PDE1A: variants seen among roughly 807,000 people sequenced by gnomAD.
PDE1A encodes the protein phosphodiesterase 1A.
PDE1A carries 35 observed loss-of-function variants against 61.7 expected under a neutral mutation model. That is an observed-to-expected ratio of 0.57 (90% CI 0.43 to 0.75). The LOEUF is 0.75. PDE1A is among the 30% of genes least tolerant of loss of function. The probability of loss-of-function intolerance (pLI) is 0.00; values close to 1 mark genes in which losing one functional copy is unlikely to be tolerated. For missense variants in PDE1A, 597 were observed against 630.6 expected (o/e 0.95, Z 0.57); for synonymous variants, 232 against 213.2 (o/e 1.09, Z -0.77).
upstream of PDE1A, among the ~76,000 whole-genome samples, chr2:182,524,535 G>A (rs1394170054): frequency 6.6e-6 from 1 of 151,610 alleles, no homozygotes; most frequent in African/African-American, 2.4e-5. Flanking sequence ...AAGACCTCAA[G>A]GTATACTAAT....
At chr2:182,594,744 T>C in the PDE1A span, among the ~76,000 whole-genome samples, 2 of 152,232 alleles carry the variant, frequency 1.3e-5, no homozygotes, top group African/African-American at 4.8e-5. Flanking sequence ...TTTTTAAAAG[T>C]TGTTTTTAAG....
At chr2:182,294,408 C>T (rs1034860414) in intron 1 of PDE1A, among the ~76,000 whole-genome samples, 4 of 152,062 alleles carry the variant, frequency 2.6e-5, no homozygotes, top group Admixed American at 1.3e-4. Flanking sequence ...CATTGTTATG[C>T]TTTTAATAAT....
At chr2:182,168,351 T>C (rs989842973) in intron 13 of PDE1A, 18 of 1,436,064 alleles carry the variant, frequency 1.3e-5, no homozygotes, top group Middle Eastern at 1.9e-4. Context: ...AAAGAAGTTA[T>C]GAAAAAAAGT....
At chr2:182,243,312 A>T (rs2568673) in intron 2 of PDE1A, among the ~76,000 whole-genome samples, 108,332 of 152,040 alleles carry the variant, frequency 0.71, 39,059 homozygotes, top group African/African-American at 0.83. Context: ...GTTAATTATG[A>T]GAGGAAACAC....
chr2:182,204,809 G>A (rs1196334610), intron 8 of PDE1A, among the ~76,000 whole-genome samples: 1 of 152,134 alleles, frequency 6.6e-6, no homozygotes, highest in Non-Finnish European at 1.5e-5. Context: ...TTGTTCAAGG[G>A]TCAACTGTAA....
intron 1 of PDE1A, among the ~76,000 whole-genome samples, chr2:182,292,776 AG>A (rs1220277368): frequency 2.0e-5 from 3 of 152,058 alleles, no homozygotes. Context: ...TTAAATTAAA[AG>A]TTTGATGTTT....
At chr2:182,357,115 G>T (rs938563421) in intron 1 of PDE1A, among the ~76,000 whole-genome samples, 1 of 151,634 alleles carries the variant, frequency 6.6e-6, no homozygotes, top group African/African-American at 2.4e-5. Flanking sequence ...CACCAACATG[G>T]CACATGTATA....
intron 1 of PDE1A, among the ~76,000 whole-genome samples, chr2:182,401,865 T>A (rs1214636955): frequency 6.6e-6 from 1 of 152,086 alleles, no homozygotes; most frequent in Non-Finnish European, 1.5e-5. Flanking sequence ...TCACAAGCAT[T>A]CCTATACACC....
intron 1 of PDE1A, among the ~76,000 whole-genome samples, chr2:182,394,114 T>G (rs1259664094): frequency 2.0e-5 from 3 of 152,188 alleles, no homozygotes; most frequent in African/African-American, 7.2e-5. Context: ...AACCCCAATC[T>G]ATTGGTGCCA....
chr2:182,204,328 T>C (rs1403059385), intron 8 of PDE1A, among the ~76,000 whole-genome samples: 1 of 152,218 alleles, frequency 6.6e-6, no homozygotes, highest in Non-Finnish European at 1.5e-5. Flanking sequence ...ATTTCACAGT[T>C]AGATCCTGGC....
At chr2:182,158,304 AAAGACTCATGTAACAGGT>A (rs1274541501) in intron 13 of PDE1A, among the ~76,000 whole-genome samples, 1 of 152,208 alleles carries the variant, frequency 6.6e-6, no homozygotes, top group Non-Finnish European at 1.5e-5. Context: ...TCTAATCTCT[AAAGACTCATGTAACAGGT>A]TAACTGTCCT....
chr2:182,248,258 A>C (rs1691132327), intron 2 of PDE1A, among the ~76,000 whole-genome samples: 1 of 150,472 alleles, frequency 6.6e-6, no homozygotes, highest in Non-Finnish European at 1.5e-5. Context: ...CTGTCAAAAA[A>C]AAAAAAAAAA....
intron 1 of PDE1A, among the ~76,000 whole-genome samples, chr2:182,419,311 G>T (rs1240561381): frequency 2.7e-5 from 4 of 149,446 alleles, no homozygotes; most frequent in Non-Finnish European, 4.5e-5. Flanking sequence ...AGAGTATATT[G>T]ATTTTCTCAT....
At chr2:182,389,881 C>T (rs2125380492) in intron 1 of PDE1A, among the ~76,000 whole-genome samples, 1 of 152,282 alleles carries the variant, frequency 6.6e-6, no homozygotes, top group African/African-American at 2.4e-5. Flanking sequence ...TTCTTCTGTG[C>T]TGGATGCTTC....
At chr2:182,247,902 C>A (rs1193519888) in intron 2 of PDE1A, among the ~76,000 whole-genome samples, 1 of 152,132 alleles carries the variant, frequency 6.6e-6, no homozygotes, top group Non-Finnish European at 1.5e-5. Context: ...CTAATAGCTT[C>A]ATTGCTCTTT....
chr2:182,239,113 C>A (rs1690295322), intron 3 of PDE1A, among the ~76,000 whole-genome samples: 1 of 152,164 alleles, frequency 6.6e-6, no homozygotes, highest in Non-Finnish European at 1.5e-5. Context: ...TGTTGCCATG[C>A]ATTCTCATTT....
At chr2:182,347,203 T>G (rs999588073) in intron 1 of PDE1A, among the ~76,000 whole-genome samples, 5 of 152,024 alleles carry the variant, frequency 3.3e-5, no homozygotes, top group Non-Finnish European at 7.4e-5. Flanking sequence ...ATCAGAAAAT[T>G]TTTAATTTTG....
rs144075604 is a variant in PDE1A at position 182,370,751 on chromosome 2, C to T, written c.53+55827G>A. On this transcript the variant is annotated intron_variant, in intron 1 of 13. Transcript: ENST00000351439. ...GTTACAGAAGGACACAGAAAGTGGA[C>T]TTTTAAAGTTCAAGATCTCAAAGAC... 1.2e-3 allele frequency among the ~76,000 whole-genome samples: 186 copies of T among 152,204 alleles called. 2 individuals are homozygous for T. Among genetic ancestry groups the T allele is most frequent in the African/African-American group, 4.3e-3 (179 of 41,536 alleles).
intron 1 of PDE1A, among the ~76,000 whole-genome samples, chr2:182,266,687 G>A (rs910095365): frequency 3.9e-5 from 6 of 152,172 alleles, no homozygotes; most frequent in Non-Finnish European, 5.9e-5. Context: ...TGTGCATGGA[G>A]GTTGTTGGTG....
Sources: allele counts gnomAD v4.1 joint callset (sites outside exome capture counted in the v4.1 genomes callset), GRCh38; gene constraint gnomAD v4.1.1; transcripts MANE v1.5; gene names NCBI Gene and HGNC (gene_info 2026-07-23, HGNC 2026-07-21).